AGTPBP1: variants seen among roughly 807,000 people sequenced by gnomAD.
AGTPBP1 encodes the protein ATP/GTP binding carboxypeptidase 1, also known as cytosolic carboxypeptidase 1.
AGTPBP1 carries 70 observed loss-of-function variants against 143.9 expected under a neutral mutation model. The observed-to-expected ratio is 0.49, with a 90% CI of 0.40 to 0.59. The LOEUF is 0.59. AGTPBP1 is among the 20% of genes least tolerant of loss of function. AGTPBP1 has a pLI of 0.00. For synonymous variants in AGTPBP1, 463 were observed against 500.2 expected (o/e 0.93, Z 0.99); for missense variants, 1,229 against 1,464.5 (o/e 0.84, Z 2.62).
At chr9:85,617,654 G>C (rs965092259) in intron 17 of AGTPBP1, among the ~76,000 whole-genome samples, 5 of 151,636 alleles carry the variant, frequency 3.3e-5, no homozygotes, top group African/African-American at 1.2e-4. Context: ...CAAATAGTAG[G>C]GAAAACCAGT....
intron 13 of AGTPBP1, among the ~76,000 whole-genome samples, chr9:85,639,383 A>G (rs1046777042): frequency 3.9e-5 from 6 of 152,034 alleles, no homozygotes; most frequent in East Asian, 1.9e-4. Context: ...ACACACACAC[A>G]CACACACACA....
the AGTPBP1 span, among the ~76,000 whole-genome samples, chr9:85,779,150 T>G: frequency 1.3e-4 from 19 of 150,884 alleles, no homozygotes; most frequent in East Asian, 3.3e-3. Flanking sequence ...GTCAGGGTTC[T>G]CTAGAGGGAC....
At chr9:85,689,968 C>A (rs1357129763) in intron 3 of AGTPBP1, among the ~76,000 whole-genome samples, 8 of 114,828 alleles carry the variant, frequency 7.0e-5, no homozygotes, top group Non-Finnish European at 1.2e-4. Flanking sequence ...AAATAAAATA[C>A]CAGGTGCTGG....
chr9:85,777,106 A>G, the AGTPBP1 span, among the ~76,000 whole-genome samples: 1 of 152,138 alleles, frequency 6.6e-6, no homozygotes, highest in Non-Finnish European at 1.5e-5. Flanking sequence ...TGACCAGTGA[A>G]TCCCATGAGC....
the AGTPBP1 span, among the ~76,000 whole-genome samples, chr9:85,804,886 C>A: frequency 2.0e-5 from 3 of 152,176 alleles, no homozygotes; most frequent in African/African-American, 7.2e-5. Context: ...GGAGGTCGAA[C>A]CCCAAGTTGC....
intron 25 of AGTPBP1, among the ~76,000 whole-genome samples, chr9:85,565,863 TC>T (rs1429916461): frequency 1.3e-5 from 2 of 152,118 alleles, no homozygotes; most frequent in South Asian, 2.1e-4. Flanking sequence ...GCCTCCACCT[TC>T]CCAGTTTCAA....
intron 1 of AGTPBP1, among the ~76,000 whole-genome samples, chr9:85,726,561 CAA>C (rs1838509422): frequency 6.6e-6 from 1 of 152,136 alleles, no homozygotes; most frequent in Non-Finnish European, 1.5e-5. Flanking sequence ...ACTAGTGCAT[CAA>C]GAGACATAAA....
intron 8 of AGTPBP1, among the ~76,000 whole-genome samples, chr9:85,668,047 A>G (rs1431323434): frequency 6.6e-6 from 1 of 152,114 alleles, no homozygotes; most frequent in Non-Finnish European, 1.5e-5. Flanking sequence ...ATATTAAAGA[A>G]TTTACAGCTC....
intron 11 of AGTPBP1, among the ~76,000 whole-genome samples, chr9:85,650,853 C>G (rs1833121747): frequency 6.6e-6 from 1 of 152,198 alleles, no homozygotes; most frequent in African/African-American, 2.4e-5. Context: ...CATGTGTTAT[C>G]TAGCTTGCAT....
chr9:85,805,237 C>T, the AGTPBP1 span: 1 of 152,380 alleles, frequency 6.6e-6, no homozygotes, highest in East Asian at 1.9e-4. Context: ...GGAAAATAAA[C>T]AAACCCCCGC....
chr9:85,702,072 G>T (rs1320198489), intron 2 of AGTPBP1, among the ~76,000 whole-genome samples: 1 of 152,160 alleles, frequency 6.6e-6, no homozygotes. Context: ...AATATGTTCT[G>T]CTATCTAGCG....
the AGTPBP1 span, among the ~76,000 whole-genome samples, chr9:85,787,394 G>A: frequency 6.6e-6 from 1 of 152,072 alleles, no homozygotes; most frequent in Non-Finnish European, 1.5e-5. Flanking sequence ...TGGTCACATG[G>A]AGTATGTCTG....
intron 1 of AGTPBP1, among the ~76,000 whole-genome samples, chr9:85,730,241 C>T (rs563357059): frequency 6.6e-6 from 1 of 152,226 alleles, no homozygotes; most frequent in African/African-American, 2.4e-5. Context: ...CCTAAGTAAG[C>T]CACTTAATGC....
chr9:85,713,226 T>C (rs1447440143), intron 1 of AGTPBP1, among the ~76,000 whole-genome samples: 1 of 152,188 alleles, frequency 6.6e-6, no homozygotes. Flanking sequence ...GAATAACTAC[T>C]GTGAATTCAA....
the AGTPBP1 span, among the ~76,000 whole-genome samples, chr9:85,799,506 T>C: frequency 2.6e-5 from 4 of 152,254 alleles, no homozygotes; most frequent in East Asian, 1.9e-4. Flanking sequence ...ACCCCATCTA[T>C]AAAAAACTTG....
At chr9:85,639,343 A>G (rs868098865) in intron 13 of AGTPBP1, among the ~76,000 whole-genome samples, 10 of 145,830 alleles carry the variant, frequency 6.9e-5, no homozygotes, top group Middle Eastern at 3.7e-3. Flanking sequence ...ATGCATACAT[A>G]CACACACCCA....
At chr9:85,603,018 G>A (rs900932049) in intron 17 of AGTPBP1, among the ~76,000 whole-genome samples, 1 of 152,124 alleles carries the variant, frequency 6.6e-6, no homozygotes, top group African/African-American at 2.4e-5. Flanking sequence ...CCTGAGTTCC[G>A]GCTAGCCCCA....
chr9:85,646,711 A>T (rs1454324446), intron 11 of AGTPBP1, among the ~76,000 whole-genome samples: 1 of 152,172 alleles, frequency 6.6e-6, no homozygotes, highest in Non-Finnish European at 1.5e-5. Flanking sequence ...CCTGTTTTCT[A>T]TTTATTATAA....
intron 11 of AGTPBP1, among the ~76,000 whole-genome samples, chr9:85,651,331 T>G (rs762531978): frequency 2.6e-5 from 4 of 152,202 alleles, no homozygotes; most frequent in Non-Finnish European, 5.9e-5. Context: ...ACCTTTACAT[T>G]TGGCGAATAT....
Sources: gnomAD v4.1 joint callset for allele counts (sites outside exome capture counted in the v4.1 genomes callset) on GRCh38, gnomAD v4.1.1 for gene constraint, MANE v1.5 for transcripts, NCBI Gene and HGNC (gene_info 2026-07-23, HGNC 2026-07-21) for gene names.